Variants in RFX3 observed in about 807,000 individuals in gnomAD.
RFX3 encodes the protein transcription factor RFX3.
In RFX3, 14 loss-of-function variants were observed where a neutral mutation model predicts 98.6. The ratio of observed to expected loss-of-function variants is 0.14; its 90% CI spans 0.09 to 0.22. RFX3 has a LOEUF of 0.22. Ranked by LOEUF, RFX3 falls within the 10% of genes least tolerant of loss-of-function variation. RFX3 has a pLI of 1.00. For missense variants in RFX3, 639 were observed against 926.9 expected, an observed-to-expected ratio of 0.69 and a Z score of 4.03; for synonymous variants, 383 against 328.4, an observed-to-expected ratio of 1.17 and a Z score of -1.80.
chr9:3,220,011 G>T lies in RFX3; in HGVS notation c.*5031C>A, dbSNP rs1054495928. ...GATTCCCTTGAACAAAATCAGCAATGGTGTAAGCAGACTGACATTTAGAGA... is the reference window on the plus strand; with the variant it reads ...GATTCCCTTGAACAAAATCAGCAATTGTGTAAGCAGACTGACATTTAGAGA... On this transcript the variant is annotated 3_prime_UTR_variant, in exon 17 of 17. Coordinates refer to ENST00000617270, the MANE Select transcript of RFX3 (RefSeq NM_001282116.2). 5.3e-5 allele frequency: 8 copies of T among 152,258 alleles called. No individual in the cohort carries two copies. The highest frequency in any genetic ancestry group is 1.0e-4 in the Non-Finnish European group (7 of 68,022). 9.4% of individuals were successfully genotyped at this position (152,258 alleles called of 1,614,324 possible).
chr9:3,343,763 C>G (rs1361905306), intron 3 of RFX3, among the ~76,000 whole-genome samples: 1 of 152,182 alleles, frequency 6.6e-6, no homozygotes, highest in Admixed American at 6.5e-5. Flanking sequence ...TCTTCTCCCT[C>G]TTGACCAAAA....
At chr9:3,305,814 A>C (rs1489310960) in intron 4 of RFX3, among the ~76,000 whole-genome samples, 3 of 152,024 alleles carry the variant, frequency 2.0e-5, no homozygotes, top group Non-Finnish European at 2.9e-5. Flanking sequence ...TCAAAGATTA[A>C]ATTGATTTGT....
At chr9:3,345,250 A>G (rs978256157) in intron 3 of RFX3, among the ~76,000 whole-genome samples, 5 of 152,174 alleles carry the variant, frequency 3.3e-5, no homozygotes, top group African/African-American at 1.2e-4. Context: ...AAAGGAGAGA[A>G]GACAGAGAAT....
rs36068943 is a variant in RFX3 at position 3,330,282 on chromosome 9, T to C, written c.451A>G (p.Thr151Ala). The C allele has an allele frequency of 5.0e-6, 8 of 1,614,010 alleles. No individual in the cohort carries two copies. In the African/African-American group the frequency reaches 6.7e-5, roughly 13 times the overall value. ...MENSGHSVTH[T>A]TRASPATIEM... ...ACTGTCGCTGGGGAGGCCCGAGTTGTGTGTGTCACTGAGTGACCAGAATTC... is the reference window on the plus strand; with the variant it reads ...ACTGTCGCTGGGGAGGCCCGAGTTGCGTGTGTCACTGAGTGACCAGAATTC... Residue 151 changes from threonine (T) to alanine (A), a missense_variant, in exon 4 of 17, where the codon ACA (threonine) becomes GCA (alanine). By Grantham distance (58) the Thr-to-Ala change is moderately conservative. Around this residue, in one of 9 missense-constraint regions of RFX3, gnomAD observed 210 missense variants for 197.7 expected, o/e 1.06. Transcript: ENST00000617270.
At chr9:3,313,001 G>T (rs1830143394) in intron 4 of RFX3, among the ~76,000 whole-genome samples, 1 of 152,334 alleles carries the variant, frequency 6.6e-6, no homozygotes, top group South Asian at 2.1e-4. Flanking sequence ...CTGTCTGACA[G>T]CTTTGAAGAG....
Position 3,221,101 on chromosome 9 carries a change from C to G in RFX3, c.*3941G>C, listed in dbSNP as rs1286782455. On this transcript the variant is annotated 3_prime_UTR_variant, in exon 17 of 17. Transcript: ENST00000617270. ...TCAATTTATTGTATATAACCACTGC[C>G]TCAAATTGTACACAAAGGTGACTTG... is the stretch of plus-strand genomic sequence containing the variant. 2 of 152,112 alleles carry G rather than the reference C, an allele frequency of 1.3e-5. No individual in the cohort carries two copies. The highest frequency in any genetic ancestry group is 2.9e-5 in the Non-Finnish European group (2 of 68,002). The allele number at this position is 152,112 out of a possible 1,614,324, so 9.4% of individuals were successfully genotyped here. A position where few individuals can be genotyped will look rare whatever the true frequency, so the allele number is the denominator to read the frequency against.
chr9:3,243,811 G>A (rs549646941), intron 15 of RFX3, among the ~76,000 whole-genome samples: 1 of 152,234 alleles, frequency 6.6e-6, no homozygotes, highest in South Asian at 2.1e-4. Context: ...TTGCAGGTTT[G>A]CCCTTGAAAT....
At chr9:3,419,187 T>C (rs1363755736) in intron 1 of RFX3, among the ~76,000 whole-genome samples, 1 of 152,228 alleles carries the variant, frequency 6.6e-6, no homozygotes, top group Non-Finnish European at 1.5e-5. Flanking sequence ...ACATTTTTTT[T>C]ATTTTGCGCA....
intron 1 of RFX3, among the ~76,000 whole-genome samples, chr9:3,505,288 T>A (rs868386062): frequency 1.5e-5 from 1 of 67,462 alleles, no homozygotes; most frequent in Non-Finnish European, 2.5e-5. Context: ...ATATACATTT[T>A]TATATTTATA....
At chr9:3,502,913 G>A (rs1415563127) in intron 1 of RFX3, among the ~76,000 whole-genome samples, 1 of 152,044 alleles carries the variant, frequency 6.6e-6, no homozygotes, top group East Asian at 1.9e-4. Context: ...GGAGAGTGAT[G>A]GATACATGGA....
intron 1 of RFX3, among the ~76,000 whole-genome samples, chr9:3,438,462 A>C (rs1298364548): frequency 6.6e-6 from 1 of 152,044 alleles, no homozygotes; most frequent in East Asian, 1.9e-4. Flanking sequence ...AGAAGGTAGA[A>C]AAAGAAAAAG....
chr9:3,504,856 T>TATTATATATATTATATATAATATTA (rs1338480314), intron 1 of RFX3, among the ~76,000 whole-genome samples: 3 of 78,212 alleles, frequency 3.8e-5, no homozygotes, highest in South Asian at 7.4e-4. Context: ...ATATTATATA[T>TATTATATATATTATATATAATATTA]GATATAATAT....
chr9:3,445,490 T>C (rs1177665526), intron 1 of RFX3, among the ~76,000 whole-genome samples: 1 of 152,148 alleles, frequency 6.6e-6, no homozygotes, highest in African/African-American at 2.4e-5. Flanking sequence ...GGATCTGAAG[T>C]CAAGCCCATC....
At chr9:3,421,020 A>C (rs1161313751) in intron 1 of RFX3, 1 of 139,118 alleles carries the variant, frequency 7.2e-6, no homozygotes, top group Non-Finnish European at 1.0e-5. Flanking sequence ...ACTATGTGCC[A>C]AAAAAAAAAA....
At chr9:3,345,200 A>G (rs865968269) in intron 3 of RFX3, among the ~76,000 whole-genome samples, 16 of 152,172 alleles carry the variant, frequency 1.1e-4, no homozygotes, top group African/African-American at 3.6e-4. Context: ...ATGTCTGTCT[A>G]TAAAGATCAC....
intron 6 of RFX3, among the ~76,000 whole-genome samples, chr9:3,291,990 G>C (rs958859194): frequency 7.3e-6 from 1 of 137,618 alleles, no homozygotes; most frequent in African/African-American, 2.7e-5. Flanking sequence ...CTGCGAGGCA[G>C]AGGTTGCAGT....
At chr9:3,294,772 C>CA (rs1241881030) in intron 5 of RFX3, among the ~76,000 whole-genome samples, 2 of 151,992 alleles carry the variant, frequency 1.3e-5, no homozygotes, top group African/African-American at 4.8e-5. Flanking sequence ...ACATAGCCAC[C>CA]AAATCTACAA....
At chr9:3,360,504 T>C (rs2131373463) in intron 2 of RFX3, among the ~76,000 whole-genome samples, 1 of 152,234 alleles carries the variant, frequency 6.6e-6, no homozygotes, top group South Asian at 2.1e-4. Context: ...GAATTTATTC[T>C]GTCAACTGAA....
intron 1 of RFX3, among the ~76,000 whole-genome samples, chr9:3,476,816 C>T (rs1465820811): frequency 1.3e-5 from 2 of 152,014 alleles, no homozygotes; most frequent in South Asian, 2.1e-4. Flanking sequence ...ATTAAAGCAC[C>T]GGATATTAAG....
Sources: gnomAD v4.1 joint callset for allele counts (sites outside exome capture counted in the v4.1 genomes callset) on GRCh38, gnomAD v4.1.1 for gene constraint, gnomAD v4.1.1 regional missense constraint, MANE v1.5 for transcripts, NCBI Gene and HGNC (gene_info 2026-07-23, HGNC 2026-07-21) for gene names.